The following HERC2 variants were observed in gnomAD, a reference collection of about 807,000 sequenced individuals.
HERC2 encodes the protein HECT and RLD domain containing E3 ubiquitin protein ligase 2.
A neutral mutation model predicts 537.7 loss-of-function variants in HERC2; 102 were observed. The observed-to-expected ratio is 0.19, with a 90% CI of 0.16 to 0.22. HERC2 has a LOEUF of 0.22. Among genes scored for constraint, HERC2 ranks in the 10% least tolerant of loss-of-function variants. The pLI, the probability that HERC2 is intolerant of heterozygous loss-of-function variation, is 1.00. For missense variants in HERC2, 4,236 were observed against 6,198.2 expected (o/e 0.68, Z 10.63); for synonymous variants, 2,224 against 2,466.2 (o/e 0.90, Z 2.91).
intron 19 of HERC2, among the ~76,000 whole-genome samples, chr15:28,255,093 T>C (rs753046791): frequency 6.6e-6 from 1 of 152,128 alleles, no homozygotes; most frequent in Non-Finnish European, 1.5e-5. Flanking sequence ...CCCAACACTT[T>C]GGGAGGACAA....
At chr15:28,232,149 T>C (rs1901928955) in intron 30 of HERC2, among the ~76,000 whole-genome samples, 1 of 152,220 alleles carries the variant, frequency 6.6e-6, no homozygotes, top group Admixed American at 6.5e-5. Flanking sequence ...TAACACACTT[T>C]AGTCTTTCAT....
intron 69 of HERC2, among the ~76,000 whole-genome samples, chr15:28,162,865 T>A (rs1893752177): frequency 6.6e-6 from 1 of 152,244 alleles, no homozygotes; most frequent in Non-Finnish European, 1.5e-5. Flanking sequence ...CACTCTAGCC[T>A]GGGCGACAGA....
intron 3 of HERC2, among the ~76,000 whole-genome samples, chr15:28,295,588 G>A (rs963127814): frequency 2.6e-5 from 4 of 151,964 alleles, no homozygotes; most frequent in Non-Finnish European, 5.9e-5. Flanking sequence ...AGTAGAGATG[G>A]GGTTTCACCA....
chr15:28,284,893 G>A (rs2076112847), intron 4 of HERC2, among the ~76,000 whole-genome samples: 1 of 136,430 alleles, frequency 7.3e-6, no homozygotes, highest in African/African-American at 2.7e-5. Context: ...CTCCTGCCTG[G>A]GCAAAAGGAG....
chr15:28,247,575 C>A (rs2140816866), intron 21 of HERC2, among the ~76,000 whole-genome samples: 1 of 152,088 alleles, frequency 6.6e-6, no homozygotes, highest in Admixed American at 6.5e-5. Flanking sequence ...ATTACAGGCA[C>A]CTGCCACTAT....
intron 35 of HERC2, among the ~76,000 whole-genome samples, chr15:28,224,768 G>A (rs919892916): frequency 1.3e-5 from 2 of 152,074 alleles, no homozygotes; most frequent in African/African-American, 4.8e-5. Context: ...AGGCCACAAA[G>A]TCTTAAATTT....
chr15:28,115,998 G>C (rs1029027026), intron 88 of HERC2, among the ~76,000 whole-genome samples: 7 of 152,084 alleles, frequency 4.6e-5, no homozygotes, highest in Non-Finnish European at 1.0e-4. Flanking sequence ...GATAAACACT[G>C]AAGATGCAGA....
chr15:28,177,469 C>A lies in HERC2; in HGVS notation c.9204G>T (p.Val3068=). The A allele has an allele frequency of 6.2e-7, 1 of 1,614,236 alleles. No homozygotes were observed. The highest frequency in any genetic ancestry group is 8.5e-7 in the Non-Finnish European group (1 of 1,180,048). ...CATCGTCACCTTCGCCCCACGAAAA[C>A]ACTTTTCCATCGACAGTTAAAGCCG... ...HATALTVDGK[V]FSWGEGDDGK... The change falls in exon 60 of 93, where the codon GTG becomes GTT. Residue 3068 remains valine (V), a synonymous_variant. Transcript: ENST00000261609. This position sits in a 1 kb window ranked among gnomAD's most constrained non-coding sequence, Gnocchi z 5.0.
At chr15:28,253,916 C>A (rs888890595) in intron 20 of HERC2, among the ~76,000 whole-genome samples, 3 of 151,834 alleles carry the variant, frequency 2.0e-5, no homozygotes, top group Non-Finnish European at 4.4e-5. Flanking sequence ...GAGCCAAGAT[C>A]ATGACACTGC....
chr15:28,139,532 G>A (rs73379655), intron 78 of HERC2, among the ~76,000 whole-genome samples: 11,784 of 152,180 alleles, frequency 0.077, 1,570 homozygotes, highest in African/African-American at 0.27. Context: ...GCTGGAGGAC[G>A]GAGCTATGCT....
rs1399145197 is a variant in HERC2, at chr15:28,169,584, G to A, written c.10129C>T (p.Arg3377Cys). 10 of 1,613,820 alleles carry A rather than the reference G, an allele frequency of 6.2e-6. No homozygotes were observed. Among genetic ancestry groups the A allele is most frequent in the Admixed American group, 3.3e-5 (2 of 59,976 alleles). The change falls in exon 66 of 93, where the codon CGC (arginine) becomes TGC (cysteine). Residue 3377 changes from arginine to cysteine, a missense_variant. Coordinates refer to ENST00000261609, the MANE Select transcript of HERC2 (RefSeq NM_004667.6). ...AAGAGAATCTTGGCAAGAGAAGGGC[G>A]ATTTGGCTTAGAATTACTTGCACCA... is the stretch of plus-strand genomic sequence containing the variant. ...ISGASNSKPN[R>C]PSLAKILLSL...
At chr15:28,257,027 C>T (rs776870503) in intron 17 of HERC2, 34 bp downstream of exon 17, 29 of 1,574,558 alleles carry the variant, frequency 1.8e-5, no homozygotes, top group East Asian at 1.6e-4. Flanking sequence ...AAGACACTTA[C>T]AAAAGGAGGA....
chr15:28,285,034 T>G (rs1375801005), intron 4 of HERC2, among the ~76,000 whole-genome samples: 2 of 144,098 alleles, frequency 1.4e-5, no homozygotes, highest in African/African-American at 5.1e-5. Flanking sequence ...AAAACGTGCA[T>G]ACACCAAACA....
rs146777193 is a variant in HERC2, at chr15:28,238,681, G to A, written c.3669C>T (p.Gly1223=). ...CCTTCCCGTCAATCACAGTCCAGAA[G>A]CCTCCATCTTTATTATGGTTCTCCA... ...ADLENHNKDG[G]FWTVIDGKVY... Residue 1223 remains glycine, a synonymous_variant, in exon 24 of 93, where the codon GGC becomes GGT. Transcript: ENST00000261609. The A allele has an allele frequency of 1.1e-4, 180 of 1,611,018 alleles. No individual in the cohort carries two copies. In the African/African-American group the frequency reaches 2.1e-3, roughly 19 times the overall value.
chr15:28,198,269 T>C, intron 50 of HERC2, 109 bp downstream of exon 50: 6 of 1,283,852 alleles, frequency 4.7e-6, no homozygotes, highest in Non-Finnish European at 5.5e-6. Context: ...ACTCTATCTT[T>C]CTTCAACACT....
At chr15:28,167,628 C>T in intron 68 of HERC2, 59 bp downstream of exon 68, 3 of 1,592,978 alleles carry the variant, frequency 1.9e-6, no homozygotes, top group South Asian at 1.1e-5. Flanking sequence ...TCTATTTCTA[C>T]TTCTGTGTAC....
Position 28,293,019 on chromosome 15 carries a change from T to A in HERC2, c.191A>T (p.Asp64Val). 6.2e-7 allele frequency: 1 copy of A among 1,601,450 alleles called. No homozygotes were observed. Among genetic ancestry groups the A allele is most frequent in the Non-Finnish European group, 8.5e-7 (1 of 1,177,632 alleles). ...QNGELPPRKDDSVEPSGTKKE... is the reference protein window; with the variant it reads ...QNGELPPRKDVSVEPSGTKKE... The stretch of plus-strand genomic sequence containing the variant: ...CTTTGTTCCACTTGGTTCGACACTA[T>A]CATCTGCAGAATTAAAAATTTTTTA... The change falls in exon 4 of 93, where the codon GAT (aspartate) becomes GTT (valine). Residue 64 changes from aspartate to valine, a missense_variant. Coordinates refer to ENST00000261609, the MANE Select transcript of HERC2 (RefSeq NM_004667.6).
chr15:28,280,407 T>C, intron 4 of HERC2, 120 bp from the exon 5 acceptor site: 2 of 792,678 alleles, frequency 2.5e-6, no homozygotes, highest in East Asian at 5.3e-5. Context: ...GTGGCAATAA[T>C]GGTTTTAACC....
At position 28,172,495 on chromosome 15, in the gene HERC2, C is replaced by G. The variant is rs1274546223; in HGVS notation, c.10057+1900G>C. Among the ~76,000 whole-genome samples the G allele has an allele frequency of 3.3e-5, 5 of 152,298 alleles. No homozygotes were observed. In the East Asian group the frequency reaches 9.6e-4, roughly 29 times the overall value. On this transcript the variant is annotated intron_variant, in intron 65 of 92. Transcript: ENST00000261609. ...ATACATCCATAGACAACTGAATTCTCACAAAGGCAAAAGGCAATTCAGTAG... is the reference window on the plus strand; with the variant it reads ...ATACATCCATAGACAACTGAATTCTGACAAAGGCAAAAGGCAATTCAGTAG...
Sources: gnomAD v4.1 joint callset for allele counts (sites outside exome capture counted in the v4.1 genomes callset) on GRCh38, gnomAD v4.1.1 for gene constraint, Gnocchi (gnomAD v3.1) non-coding constraint, MANE v1.5 for transcripts, NCBI Gene and HGNC (gene_info 2026-07-23, HGNC 2026-07-21) for gene names.